Variants in CPED1 observed in about 807,000 individuals in gnomAD.
The protein encoded by CPED1 is cadherin like and PC-esterase domain containing 1.
Under a neutral mutation model 128.2 loss-of-function variants are expected in CPED1, and 114 were observed. The observed-to-expected ratio is 0.89, with a 90% CI of 0.76 to 1.04. The LOEUF is 1.04. Ranked by LOEUF, CPED1 falls within the 50% of genes least tolerant of loss-of-function variation. The pLI, the probability that CPED1 is intolerant of heterozygous loss-of-function variation, is 0.00. For missense variants in CPED1, 1,211 were observed against 1,207.1 expected (o/e 1.00, Z -0.05); for synonymous variants, 462 against 426.7 (o/e 1.08, Z -1.02).
At chr7:121,186,914 C>A (rs917121675) in intron 16 of CPED1, among the ~76,000 whole-genome samples, 2 of 152,152 alleles carry the variant, frequency 1.3e-5, no homozygotes, top group Admixed American at 6.6e-5. Context: ...GAAGAGTCTG[C>A]ACATTAGTGT....
At chr7:121,284,031 G>GA (rs1322658002) in intron 22 of CPED1, among the ~76,000 whole-genome samples, 3 of 152,190 alleles carry the variant, frequency 2.0e-5, no homozygotes, top group African/African-American at 7.2e-5. Flanking sequence ...ACATACCTGA[G>GA]ACTGGGTAAT....
chr7:121,219,640 T>C (rs1041025391), intron 16 of CPED1, among the ~76,000 whole-genome samples: 1 of 152,056 alleles, frequency 6.6e-6, no homozygotes, highest in Non-Finnish European at 1.5e-5. Context: ...AGCTGATATA[T>C]GTTTAGGGAA....
intron 3 of CPED1, among the ~76,000 whole-genome samples, chr7:121,017,766 C>T (rs1324274155): frequency 2.0e-5 from 3 of 152,098 alleles, no homozygotes; most frequent in Non-Finnish European, 2.9e-5. Flanking sequence ...GTCAGTTTTA[C>T]CACAAAAAGG....
chr7:121,143,942 T>C (rs1360172239), intron 16 of CPED1, among the ~76,000 whole-genome samples: 3 of 151,894 alleles, frequency 2.0e-5, no homozygotes, highest in African/African-American at 7.2e-5. Flanking sequence ...AATATTATAC[T>C]ATTGGGGCAT....
Position 121,240,333 on chromosome 7 carries a change from TA to T in CPED1, c.2173+3504del, listed in dbSNP as rs1207128906. Among the ~76,000 whole-genome samples the T allele has an allele frequency of 1.3e-5, 2 of 152,034 alleles. 1 individual carries two copies. Among genetic ancestry groups the T allele is most frequent in the African/African-American group, 4.8e-5 (2 of 41,368 alleles). ...AGGTTGAGGGGTACAGTGTCTGGAGTAAGGGTAGGATGCATATGCTCTGAGA... is the reference window on the plus strand; with the variant it reads ...AGGTTGAGGGGTACAGTGTCTGGAGTAGGGTAGGATGCATATGCTCTGAGA... On this transcript the variant is annotated intron_variant, in intron 17 of 22. Coordinates refer to ENST00000310396, the MANE Select transcript of CPED1 (RefSeq NM_024913.5).
intron 16 of CPED1, among the ~76,000 whole-genome samples, chr7:121,155,801 A>AT (rs1796269865): frequency 2.0e-5 from 3 of 152,316 alleles, no homozygotes; most frequent in Middle Eastern, 3.4e-3. Flanking sequence ...CTGAGCAAAG[A>AT]TTTTTGTATA....
At chr7:121,290,362 G>C (rs1671970416) in intron 22 of CPED1, among the ~76,000 whole-genome samples, 1 of 152,178 alleles carries the variant, frequency 6.6e-6, no homozygotes, top group Non-Finnish European at 1.5e-5. Context: ...TCTAGTTCTA[G>C]ATCCTTGAGG....
At chr7:121,215,630 G>T (rs1380065605) in intron 16 of CPED1, among the ~76,000 whole-genome samples, 3 of 152,002 alleles carry the variant, frequency 2.0e-5, no homozygotes, top group African/African-American at 7.2e-5. Flanking sequence ...GTTGAGATTT[G>T]TCTTCATATC....
At chr7:121,109,449 T>C (rs1186285492) in intron 7 of CPED1, among the ~76,000 whole-genome samples, 1 of 152,144 alleles carries the variant, frequency 6.6e-6, no homozygotes, top group Non-Finnish European at 1.5e-5. Flanking sequence ...CTTTAAAATT[T>C]AGAGAAAGGG....
intron 2 of CPED1, among the ~76,000 whole-genome samples, chr7:120,993,362 A>G (rs1413467436): frequency 1.3e-5 from 2 of 152,260 alleles, no homozygotes; most frequent in South Asian, 2.1e-4. Flanking sequence ...TGTGTTTCTG[A>G]TTACCTCCTG....
At chr7:121,000,487 A>G (rs1320151724) in intron 2 of CPED1, among the ~76,000 whole-genome samples, 2 of 152,282 alleles carry the variant, frequency 1.3e-5, no homozygotes, top group East Asian at 3.9e-4. Context: ...GATCCAAAAT[A>G]ATAGATGGAT....
chr7:120,999,644 C>T (rs1412931164), intron 2 of CPED1, among the ~76,000 whole-genome samples: 14 of 152,152 alleles, frequency 9.2e-5, no homozygotes, highest in African/African-American at 2.2e-4. Context: ...TTTATGTATA[C>T]GAGGCTCTCA....
intron 18 of CPED1, among the ~76,000 whole-genome samples, chr7:121,255,489 C>G (rs966742019): frequency 6.6e-6 from 1 of 151,952 alleles, no homozygotes; most frequent in Non-Finnish European, 1.5e-5. Flanking sequence ...GCACTGTTCC[C>G]CTTGAGGACT....
chr7:121,032,183 C>A (rs1287251883), intron 3 of CPED1, among the ~76,000 whole-genome samples: 1 of 151,980 alleles, frequency 6.6e-6, no homozygotes, highest in East Asian at 1.9e-4. Context: ...AAAGTATATA[C>A]CTAAATCTTA....
intron 7 of CPED1, among the ~76,000 whole-genome samples, chr7:121,108,757 T>A (rs1347878512): frequency 6.6e-6 from 1 of 152,098 alleles, no homozygotes; most frequent in African/African-American, 2.4e-5. Context: ...CATGCTATAC[T>A]GTCTTATGTG....
At chr7:121,079,735 G>C (rs1794234296) in intron 5 of CPED1, among the ~76,000 whole-genome samples, 1 of 152,210 alleles carries the variant, frequency 6.6e-6, no homozygotes, top group African/African-American at 2.4e-5. Context: ...TCTGCTCTTT[G>C]GTAGAGTAAA....
At chr7:121,256,374 G>A (rs1025013655) in intron 18 of CPED1, among the ~76,000 whole-genome samples, 7 of 152,012 alleles carry the variant, frequency 4.6e-5, no homozygotes, top group Non-Finnish European at 7.4e-5. Context: ...TAACTGGCTA[G>A]ACATATGCAG....
At chr7:121,199,673 C>CAAAA (rs1160203035) in intron 16 of CPED1, among the ~76,000 whole-genome samples, 90 of 86,906 alleles carry the variant, frequency 1.0e-3, no homozygotes, top group African/African-American at 3.9e-3. Flanking sequence ...GAGACTCCAT[C>CAAAA]AAAAAAAAAA....
At chr7:121,221,673 G>A (rs1316130464) in intron 16 of CPED1, among the ~76,000 whole-genome samples, 2 of 151,066 alleles carry the variant, frequency 1.3e-5, no homozygotes, top group African/African-American at 4.9e-5. Context: ...GCCTGAGATG[G>A]TATCTCATTA....
Sources: gnomAD v4.1 joint callset for allele counts (sites outside exome capture counted in the v4.1 genomes callset) on GRCh38, gnomAD v4.1.1 for gene constraint, MANE v1.5 for transcripts, NCBI Gene and HGNC (gene_info 2026-07-23, HGNC 2026-07-21) for gene names.